KALRN: variants seen among roughly 807,000 people sequenced by gnomAD.
KALRN encodes kalirin RhoGEF kinase.
KALRN carries 70 observed loss-of-function variants against 353.7 expected under a neutral mutation model. The observed-to-expected ratio is 0.20, with a 90% CI of 0.16 to 0.24. The LOEUF (loss-of-function observed/expected upper bound fraction) is 0.24, where lower values mean the gene tolerates loss of function less well. Among genes scored for constraint, KALRN ranks in the 10% least tolerant of loss-of-function variants. The probability of loss-of-function intolerance (pLI) is 1.00; values close to 1 mark genes in which losing one functional copy is unlikely to be tolerated. For missense variants in KALRN, 2,791 were observed against 3,756.7 expected (o/e 0.74, Z 6.72); for synonymous variants, 1,391 against 1,434.8 (o/e 0.97, Z 0.69).
intron 17 of KALRN, among the ~76,000 whole-genome samples, chr3:124,437,567 G>A (rs1268131463): frequency 6.6e-6 from 1 of 151,782 alleles, no homozygotes; most frequent in Admixed American, 6.6e-5. Context: ...GTGAGCGACT[G>A]TAATCCCAGC....
intron 11 of KALRN, among the ~76,000 whole-genome samples, chr3:124,390,180 C>T (rs1345542077): frequency 6.6e-6 from 1 of 152,216 alleles, no homozygotes; most frequent in African/African-American, 2.4e-5. Context: ...AGCACCTGCC[C>T]TGCAGAAATT....
At chr3:124,317,952 A>G (rs2078971015) in intron 6 of KALRN, among the ~76,000 whole-genome samples, 1 of 152,114 alleles carries the variant, frequency 6.6e-6, no homozygotes, top group Admixed American at 6.5e-5. Flanking sequence ...TTTTGCAATG[A>G]TGCCTCATAC....
chr3:124,127,832 T>C (rs965805656), intron 1 of KALRN, among the ~76,000 whole-genome samples: 7 of 152,234 alleles, frequency 4.6e-5, no homozygotes, highest in Admixed American at 1.3e-4. Context: ...CTACTTGAAG[T>C]CCTTCAGCTA....
chr3:124,533,810 A>G (rs1322980508), intron 33 of KALRN, among the ~76,000 whole-genome samples: 1 of 152,136 alleles, frequency 6.6e-6, no homozygotes, highest in Admixed American at 6.6e-5. Context: ...ATAATTCCCC[A>G]CTCTAACTAT....
chr3:124,380,971 A>G (rs556477965), intron 10 of KALRN, among the ~76,000 whole-genome samples: 2 of 152,322 alleles, frequency 1.3e-5, no homozygotes, highest in African/African-American at 4.8e-5. Flanking sequence ...CTAAATATCT[A>G]TGGAGACTTA....
intron 5 of KALRN, among the ~76,000 whole-genome samples, chr3:124,292,940 A>G (rs2076545742): frequency 6.6e-6 from 1 of 152,236 alleles, no homozygotes; most frequent in East Asian, 1.9e-4. Context: ...TAAGGAACTG[A>G]ATTTCAGACC....
chr3:124,241,099 C>T (rs1201737551), intron 3 of KALRN, among the ~76,000 whole-genome samples: 1 of 152,180 alleles, frequency 6.6e-6, no homozygotes, highest in Non-Finnish European at 1.5e-5. Context: ...ACAAGCAGAA[C>T]ATCACCTCTA....
At chr3:124,585,441 G>A (rs773925368) in intron 34 of KALRN, among the ~76,000 whole-genome samples, 1 of 152,196 alleles carries the variant, frequency 6.6e-6, no homozygotes, top group Admixed American at 6.5e-5. Context: ...ACAGGCCAGC[G>A]TGGATTTGTA....
intron 21 of KALRN, among the ~76,000 whole-genome samples, chr3:124,450,563 CTTT>C (rs756571468): frequency 2.9e-5 from 4 of 137,974 alleles, no homozygotes; most frequent in Non-Finnish European, 1.6e-5. Flanking sequence ...TTCTGAGACT[CTTT>C]TTTTTTTTTT....
At chr3:124,385,582 C>T (rs2088131277) in intron 11 of KALRN, among the ~76,000 whole-genome samples, 1 of 152,076 alleles carries the variant, frequency 6.6e-6, no homozygotes, top group African/African-American at 2.4e-5. Flanking sequence ...CTCACTTTGC[C>T]TGACTGTGGA....
chr3:124,058,193 C>T (rs536233290), intron 1 of KALRN, among the ~76,000 whole-genome samples: 4 of 152,254 alleles, frequency 2.6e-5, no homozygotes, highest in African/African-American at 9.6e-5. Flanking sequence ...GTGGGAGTTA[C>T]AATTCAAGAT....
chr3:124,173,121 A>G (rs996131462), intron 1 of KALRN, among the ~76,000 whole-genome samples: 3 of 152,172 alleles, frequency 2.0e-5, no homozygotes, highest in Non-Finnish European at 2.9e-5. Context: ...GATGGTGGGA[A>G]GAAAAATTCA....
intron 33 of KALRN, among the ~76,000 whole-genome samples, chr3:124,550,631 A>G (rs1342901074): frequency 1.7e-4 from 26 of 152,032 alleles, no homozygotes; most frequent in Admixed American, 1.7e-3. Flanking sequence ...TCTAGTGGCT[A>G]CTTAGTGCCA....
intron 34 of KALRN, among the ~76,000 whole-genome samples, chr3:124,580,939 C>A (rs984696960): frequency 1.5e-4 from 16 of 104,658 alleles, no homozygotes. Flanking sequence ...AAAACCCTGT[C>A]TCTATTAAAA....
intron 1 of KALRN, among the ~76,000 whole-genome samples, chr3:124,147,859 C>T (rs2067559416): frequency 6.6e-6 from 1 of 152,192 alleles, no homozygotes; most frequent in South Asian, 2.1e-4. Context: ...CATGTCCTGT[C>T]TTAGCACCTA....
At chr3:124,105,726 G>A (rs1356335893) in intron 1 of KALRN, among the ~76,000 whole-genome samples, 1 of 152,160 alleles carries the variant, frequency 6.6e-6, no homozygotes, top group Admixed American at 6.5e-5. Context: ...AGGAGGTGGT[G>A]AAGATGAGGT....
At chr3:124,264,829 T>C (rs961491383) in intron 4 of KALRN, 139 bp downstream of exon 4, 3 of 732,658 alleles carry the variant, frequency 4.1e-6, no homozygotes, top group Non-Finnish European at 6.8e-6. Context: ...TTGGCCGCCA[T>C]GGCCTTACCA....
chr3:124,201,551 A>T (rs2075944519), intron 1 of KALRN, among the ~76,000 whole-genome samples: 1 of 152,236 alleles, frequency 6.6e-6, no homozygotes, highest in Non-Finnish European at 1.5e-5. Context: ...CCTTTGGAAA[A>T]AAAAAGGATT....
chr3:124,553,173 A>G (rs2070764854), intron 33 of KALRN, among the ~76,000 whole-genome samples: 1 of 152,258 alleles, frequency 6.6e-6, no homozygotes, highest in African/African-American at 2.4e-5. Flanking sequence ...AACATCTATT[A>G]AGCATGTAAT....
Sources: gnomAD v4.1 joint callset for allele counts (sites outside exome capture counted in the v4.1 genomes callset) on GRCh38, gnomAD v4.1.1 for gene constraint, MANE v1.5 for transcripts, NCBI Gene and HGNC (gene_info 2026-07-23, HGNC 2026-07-21) for gene names.